The following BZW2 variants were observed in gnomAD, a reference collection of about 807,000 sequenced individuals.
The protein encoded by BZW2 is basic leucine zipper and W2 domains 2, also known as eIF5-mimic protein 1.
A neutral mutation model predicts 53.2 loss-of-function variants in BZW2; 23 were observed. The observed-to-expected ratio is 0.43, with a 90% CI of 0.31 to 0.61. BZW2 has a LOEUF of 0.61. Ranked by LOEUF, BZW2 falls within the 20% of genes least tolerant of loss-of-function variation. The probability of loss-of-function intolerance (pLI) is 0.09; values close to 1 mark genes in which losing one functional copy is unlikely to be tolerated. For synonymous variants in BZW2, 227 were observed against 186.4 expected (o/e 1.22, Z -1.77); for missense variants, 409 against 503.1 (o/e 0.81, Z 1.79).
chr7:16,650,417 A>G (rs1212606355), intron 1 of BZW2, among the ~76,000 whole-genome samples: 1 of 152,204 alleles, frequency 6.6e-6, no homozygotes, highest in African/African-American at 2.4e-5. Flanking sequence ...AAAGAGTACC[A>G]AAACTGTTTC....
chr7:16,674,282 G>A lies in BZW2; in HGVS notation c.59-130G>A, dbSNP rs936215269. On this transcript the variant is annotated intron_variant, in intron 2 of 11. Transcript: ENST00000258761. ...TGTTTGTTTATATTTGTATATTCTC[G>A]TACATTCTTTGGCGATGCTCTGTGG... 4.7e-5 allele frequency: 29 copies of A among 610,984 alleles called. No individual in the cohort carries two copies. In the South Asian group the frequency reaches 5.4e-4, roughly 11 times the overall value. 37.8% of individuals were successfully genotyped at this position (610,984 alleles called of 1,614,324 possible). A position where few individuals can be genotyped will look rare whatever the true frequency, so the allele number is the denominator to read the frequency against.
chr7:16,659,508 T>C (rs1175947684), intron 1 of BZW2, among the ~76,000 whole-genome samples: 1 of 152,200 alleles, frequency 6.6e-6, no homozygotes, highest in Non-Finnish European at 1.5e-5. Flanking sequence ...GAGAGAATGA[T>C]AATACAATGT....
intron 2 of BZW2, among the ~76,000 whole-genome samples, chr7:16,669,279 C>G (rs1477970881): frequency 6.6e-6 from 1 of 152,172 alleles, no homozygotes; most frequent in African/African-American, 2.4e-5. Flanking sequence ...GCGTGCACCA[C>G]CACACCCAGC....
At chr7:16,705,628 T>A (rs1783827792) in intron 11 of BZW2, among the ~76,000 whole-genome samples, 1 of 139,590 alleles carries the variant, frequency 7.2e-6, no homozygotes, top group African/African-American at 2.7e-5. Flanking sequence ...GAGGTTGCAG[T>A]GAGCCAAGAT....
chr7:16,667,243 T>C (rs568482149), intron 2 of BZW2, among the ~76,000 whole-genome samples: 80 of 144,156 alleles, frequency 5.5e-4, no homozygotes, highest in African/African-American at 2.0e-3. Context: ...ATTGCACCAC[T>C]GCACTGCAGC....
intron 1 of BZW2, chr7:16,661,159 T>C (rs1487707951): frequency 2.0e-5 from 3 of 152,162 alleles, no homozygotes; most frequent in Admixed American, 6.5e-5. Context: ...AGTTCAAAGA[T>C]GAGTCATACC....
intron 1 of BZW2, among the ~76,000 whole-genome samples, chr7:16,657,058 A>G (rs1161067718): frequency 6.6e-6 from 1 of 152,216 alleles, no homozygotes; most frequent in East Asian, 1.9e-4. Context: ...GTAGGGAATG[A>G]TAGTTAGATC....
chr7:16,689,990 G>C, intron 7 of BZW2, 84 bp downstream of exon 7: 1 of 921,964 alleles, frequency 1.1e-6, no homozygotes, highest in Non-Finnish European at 1.6e-6. Context: ...ATATGAGTAA[G>C]ATCCCTGGAT....
At position 16,680,689 on chromosome 7, in the gene BZW2, C is replaced by T. The variant is rs539089083; in HGVS notation, c.236-612C>T. 7.2e-5 allele frequency among the ~76,000 whole-genome samples: 11 copies of T among 152,210 alleles called. No individual in the cohort carries two copies. The South Asian group carries it at 2.1e-3, about 29-fold the overall frequency. On this transcript the variant is annotated intron_variant, in intron 3 of 11. Transcript: ENST00000258761. ...GGGCATGGTGGCACACACCTGTGGT[C>T]CTAGCTACTTGGGAGGCTGAGGCAG...
intron 2 of BZW2, among the ~76,000 whole-genome samples, chr7:16,671,980 T>C (rs1194484874): frequency 1.4e-5 from 2 of 144,014 alleles, no homozygotes; most frequent in Non-Finnish European, 3.0e-5. Context: ...AGGCTGGAAA[T>C]ACTTTTCCAT....
chr7:16,654,757 T>G (rs1414371970), intron 1 of BZW2, among the ~76,000 whole-genome samples: 1 of 151,800 alleles, frequency 6.6e-6, no homozygotes, highest in Non-Finnish European at 1.5e-5. Context: ...CAGGCTTGTC[T>G]CAAACTCCTG....
chr7:16,664,090 C>G (rs1009948035), intron 1 of BZW2, among the ~76,000 whole-genome samples: 3 of 152,132 alleles, frequency 2.0e-5, no homozygotes, highest in African/African-American at 7.2e-5. Context: ...ATTCAGCTTG[C>G]TTTTTTCCAC....
chr7:16,650,762 C>T (rs765425463), intron 1 of BZW2, among the ~76,000 whole-genome samples: 2 of 152,144 alleles, frequency 1.3e-5, no homozygotes, highest in Non-Finnish European at 2.9e-5. Context: ...GTATTGAGGC[C>T]ATGGCGCTCT....
chr7:16,659,098 T>TAA (rs950847573), intron 1 of BZW2, among the ~76,000 whole-genome samples: 1 of 150,076 alleles, frequency 6.7e-6, no homozygotes, highest in African/African-American at 2.4e-5. Flanking sequence ...TCTTAAAAAC[T>TAA]AAAAAAAAAC....
At chr7:16,658,653 G>A (rs1167024154) in intron 1 of BZW2, among the ~76,000 whole-genome samples, 2 of 152,062 alleles carry the variant, frequency 1.3e-5, no homozygotes, top group East Asian at 3.9e-4. Flanking sequence ...GGGGTGGGCA[G>A]ATCATGAGGT....
At chr7:16,669,049 A>C (rs1263487560) in intron 2 of BZW2, among the ~76,000 whole-genome samples, 2 of 152,234 alleles carry the variant, frequency 1.3e-5, no homozygotes, top group Non-Finnish European at 2.9e-5. Flanking sequence ...AAGAGAGAGA[A>C]AAAAAGGCCA....
At chr7:16,693,917 G>A (rs1335219117) in intron 7 of BZW2, among the ~76,000 whole-genome samples, 1 of 152,152 alleles carries the variant, frequency 6.6e-6, no homozygotes, top group Non-Finnish European at 1.5e-5. Flanking sequence ...TATAGGTGGT[G>A]GCAAACCCAT....
chr7:16,697,420 T>C (rs1255140735), intron 9 of BZW2, among the ~76,000 whole-genome samples: 1 of 152,144 alleles, frequency 6.6e-6, no homozygotes, highest in Non-Finnish European at 1.5e-5. Flanking sequence ...GTATGACAAA[T>C]GGGTTCCAAC....
rs142260463 is a variant in BZW2, at chr7:16,702,913, G to A, written c.1109-1634G>A. Among the ~76,000 whole-genome samples, 39 of 152,194 alleles carry A rather than the reference G, an allele frequency of 2.6e-4. 1 individual carries two copies. The highest frequency in any genetic ancestry group is 1.9e-4 in the East Asian group (1 of 5,188). ...GTATATGCTCAAAATTATCCTACAG[G>A]CAGGAAGACATGATCCAAACAGTTT... On this transcript the variant is annotated intron_variant, in intron 10 of 11. Coordinates refer to ENST00000258761, the MANE Select transcript of BZW2 (RefSeq NM_014038.3).
Sources: gnomAD v4.1 joint callset for allele counts (sites outside exome capture counted in the v4.1 genomes callset) on GRCh38, gnomAD v4.1.1 for gene constraint, MANE v1.5 for transcripts, NCBI Gene and HGNC (gene_info 2026-07-23, HGNC 2026-07-21) for gene names.